The following SEPTIN14 variants were observed in gnomAD, a reference collection of about 807,000 sequenced individuals.
SEPTIN14 encodes septin-14.
A neutral mutation model predicts 53.6 loss-of-function variants in SEPTIN14; 40 were observed. The ratio of observed to expected loss-of-function variants is 0.75; its 90% CI spans 0.58 to 0.97. The LOEUF is 0.97. SEPTIN14 is among the 50% of genes least tolerant of loss of function. The pLI is 0.00. For missense variants in SEPTIN14, 471 were observed against 508.2 expected, an observed-to-expected ratio of 0.93 and a Z score of 0.70; for synonymous variants, 138 against 166.8, an observed-to-expected ratio of 0.83 and a Z score of 1.33.
chr7:55,852,793 T>G (rs1051310788), intron 2 of SEPTIN14, among the ~76,000 whole-genome samples: 7 of 152,110 alleles, frequency 4.6e-5, no homozygotes, highest in African/African-American at 1.7e-4. Flanking sequence ...TATCCCCCGA[T>G]AAGGGATTAA....
chr7:55,846,252 G>T (rs1789407938), intron 3 of SEPTIN14, among the ~76,000 whole-genome samples: 1 of 151,002 alleles, frequency 6.6e-6, no homozygotes, highest in Admixed American at 6.7e-5. Context: ...CAGCACTTTG[G>T]GAAGCTGAGG....
chr7:55,811,496 C>CTTTTTTTT (rs1170803437), intron 7 of SEPTIN14: 3 of 181,098 alleles, frequency 1.7e-5, no homozygotes, highest in African/African-American at 4.0e-5. Flanking sequence ...TTTTACAGTT[C>CTTTTTTTT]TTTTTTTTTT....
At chr7:55,843,990 G>T (rs747021423) in intron 4 of SEPTIN14, among the ~76,000 whole-genome samples, 2 of 152,076 alleles carry the variant, frequency 1.3e-5, no homozygotes, top group Non-Finnish European at 2.9e-5. Context: ...TTTAAAATTA[G>T]CCAGGCATGG....
At chr7:55,809,547 G>A (rs1663870675) in intron 7 of SEPTIN14, among the ~76,000 whole-genome samples, 1 of 151,334 alleles carries the variant, frequency 6.6e-6, no homozygotes, top group Admixed American at 6.6e-5. Context: ...AGTAGAGACG[G>A]GGTTTTGCCA....
At chr7:55,833,936 C>A (rs1039994796) in intron 6 of SEPTIN14, among the ~76,000 whole-genome samples, 7 of 151,962 alleles carry the variant, frequency 4.6e-5, no homozygotes, top group African/African-American at 1.7e-4. Context: ...ACCAACTTGA[C>A]AACTTAGAAG....
intron 6 of SEPTIN14, among the ~76,000 whole-genome samples, chr7:55,823,201 G>A (rs10277997): frequency 0.064 from 9,811 of 152,224 alleles, 709 homozygotes; most frequent in African/African-American, 0.18. Flanking sequence ...CCCTTCACCT[G>A]TTTTACATAT....
At chr7:55,832,359 A>T (rs534222534) in intron 6 of SEPTIN14, among the ~76,000 whole-genome samples, 7 of 152,194 alleles carry the variant, frequency 4.6e-5, no homozygotes, top group Non-Finnish European at 1.0e-4. Context: ...AGATTTCTCG[A>T]AGCACTAAAA....
intron 2 of SEPTIN14, among the ~76,000 whole-genome samples, chr7:55,852,059 G>A (rs561702062): frequency 2.4e-3 from 366 of 151,298 alleles, no homozygotes; most frequent in Non-Finnish European, 4.7e-3. Context: ...GGAGAATGAC[G>A]TGAACCTGAG....
chr7:55,803,040 T>A (rs1164656757), intron 9 of SEPTIN14, among the ~76,000 whole-genome samples: 1 of 151,662 alleles, frequency 6.6e-6, no homozygotes, highest in Non-Finnish European at 1.5e-5. Flanking sequence ...CGGGTTCAAG[T>A]GATTCTCCTA....
At chr7:55,856,851 T>A (rs1009860730) in intron 2 of SEPTIN14, among the ~76,000 whole-genome samples, 2 of 151,938 alleles carry the variant, frequency 1.3e-5, no homozygotes, top group Non-Finnish European at 2.9e-5. Flanking sequence ...GGCAGGCAGA[T>A]CACTTGAGGT....
At chr7:55,848,296 G>A (rs1432424478) in intron 2 of SEPTIN14, among the ~76,000 whole-genome samples, 3 of 152,060 alleles carry the variant, frequency 2.0e-5, no homozygotes, top group Non-Finnish European at 4.4e-5. Context: ...AGAAAAGCTG[G>A]GACTACATGC....
At chr7:55,819,505 C>T (rs528382899) in intron 6 of SEPTIN14, among the ~76,000 whole-genome samples, 14 of 152,196 alleles carry the variant, frequency 9.2e-5, no homozygotes, top group African/African-American at 2.9e-4. Context: ...AGGAGAATGG[C>T]GTGAACCCGG....
intron 6 of SEPTIN14, among the ~76,000 whole-genome samples, chr7:55,827,927 G>C (rs1789019379): frequency 6.6e-6 from 1 of 151,830 alleles, no homozygotes; most frequent in African/African-American, 2.4e-5. Context: ...CACCCACAAG[G>C]AGGAAAAACC....
At chr7:55,845,410 A>G (rs1033533568) in intron 3 of SEPTIN14, among the ~76,000 whole-genome samples, 5 of 152,210 alleles carry the variant, frequency 3.3e-5, no homozygotes, top group Non-Finnish European at 7.3e-5. Flanking sequence ...TTGCAGGAAC[A>G]TGGATGGAGC....
chr7:55,807,978 A>C (rs759292158), intron 7 of SEPTIN14, among the ~76,000 whole-genome samples: 64 of 152,252 alleles, frequency 4.2e-4, no homozygotes, highest in Middle Eastern at 3.4e-3. Context: ...ATATATATGC[A>C]CCCAATATCA....
At chr7:55,811,005 G>T in intron 7 of SEPTIN14, 1 of 441,942 alleles carries the variant, frequency 2.3e-6, no homozygotes, top group Admixed American at 2.7e-5. Flanking sequence ...TTTGACTGTT[G>T]CAATTTGAAG....
chr7:55,808,964 G>A (rs1788650995), intron 7 of SEPTIN14, among the ~76,000 whole-genome samples: 1 of 152,176 alleles, frequency 6.6e-6, no homozygotes, highest in Admixed American at 6.5e-5. Flanking sequence ...ACAGGCACGT[G>A]TATGTTCATT....
At chr7:55,850,351 T>G (rs925652836) in intron 2 of SEPTIN14, among the ~76,000 whole-genome samples, 1 of 152,028 alleles carries the variant, frequency 6.6e-6, no homozygotes, top group African/African-American at 2.4e-5. Flanking sequence ...GTGCCTGTAA[T>G]CCCAGCTACC....
intron 2 of SEPTIN14, among the ~76,000 whole-genome samples, chr7:55,851,678 A>T (rs1468729952): frequency 6.6e-6 from 1 of 152,142 alleles, no homozygotes; most frequent in Admixed American, 6.6e-5. Flanking sequence ...TATTTAACTC[A>T]ATCCCTATCA....
Sources: allele counts gnomAD v4.1 joint callset (sites outside exome capture counted in the v4.1 genomes callset), GRCh38; gene constraint gnomAD v4.1.1; transcripts MANE v1.5; gene names NCBI Gene and HGNC (gene_info 2026-07-23, HGNC 2026-07-21).